BCKDHB: variants seen among roughly 807,000 people sequenced by gnomAD.
BCKDHB encodes branched chain keto acid dehydrogenase E1 subunit beta.
In BCKDHB, 41 loss-of-function variants were observed where a neutral mutation model predicts 48.5. The observed-to-expected ratio is 0.85, with a 90% confidence interval of 0.66 to 1.10. BCKDHB has a LOEUF of 1.10. BCKDHB is among the 50% of genes least tolerant of loss of function. The pLI is 0.00. For synonymous variants in BCKDHB, 201 were observed against 174.8 expected (o/e 1.15, Z -1.18); for missense variants, 496 against 494.2 (o/e 1.00, Z -0.03).
the BCKDHB span, among the ~76,000 whole-genome samples, chr6:80,430,818 C>T: frequency 6.6e-6 from 1 of 152,038 alleles, no homozygotes; most frequent in African/African-American, 2.4e-5. Flanking sequence ...TCTCTATCTC[C>T]TTCAATTCTG....
At chr6:80,147,316 T>A (rs1387572157) in intron 3 of BCKDHB, among the ~76,000 whole-genome samples, 1 of 152,180 alleles carries the variant, frequency 6.6e-6, no homozygotes, top group African/African-American at 2.4e-5. Flanking sequence ...TGCTAATTAA[T>A]GTTGTTCATT....
intron 8 of BCKDHB, among the ~76,000 whole-genome samples, chr6:80,269,425 TCTTTTGTTC>T (rs889579018): frequency 6.6e-6 from 1 of 152,140 alleles, no homozygotes; most frequent in Non-Finnish European, 1.5e-5. Flanking sequence ...TTAGAACAAA[TCTTTTGTTC>T]CTTTGCAGGG....
At chr6:80,236,605 G>A (rs1776157192) in intron 8 of BCKDHB, among the ~76,000 whole-genome samples, 1 of 152,134 alleles carries the variant, frequency 6.6e-6, no homozygotes. Context: ...CCTTACATTA[G>A]CAGAGGTAGT....
chr6:80,376,433 A>C, the BCKDHB span, among the ~76,000 whole-genome samples: 3 of 152,306 alleles, frequency 2.0e-5, no homozygotes, highest in African/African-American at 7.2e-5. Flanking sequence ...CCCAGGCTAC[A>C]TACAAGCCTC....
intron 3 of BCKDHB, among the ~76,000 whole-genome samples, chr6:80,153,230 T>C (rs533804745): frequency 6.7e-4 from 102 of 152,258 alleles, no homozygotes; most frequent in African/African-American, 2.3e-3. Context: ...ATGAAGATCT[T>C]TGGATGTGTG....
At chr6:80,450,689 C>G in the BCKDHB span, among the ~76,000 whole-genome samples, 2 of 152,120 alleles carry the variant, frequency 1.3e-5, no homozygotes, top group African/African-American at 4.8e-5. Flanking sequence ...CAATCTCATG[C>G]ACCTTCCTCT....
chr6:80,387,257 G>A, the BCKDHB span, among the ~76,000 whole-genome samples: 3 of 152,192 alleles, frequency 2.0e-5, no homozygotes. Context: ...AAATGGCATA[G>A]ACATACTTAA....
At chr6:80,194,111 C>T (rs1774028221) in intron 6 of BCKDHB, among the ~76,000 whole-genome samples, 3 of 152,048 alleles carry the variant, frequency 2.0e-5, no homozygotes, top group South Asian at 2.1e-4. Flanking sequence ...TTCTCATAGT[C>T]GGTTTTCAAT....
chr6:80,108,476 T>C (rs76131166), intron 1 of BCKDHB, among the ~76,000 whole-genome samples: 4,284 of 150,810 alleles, frequency 0.028, 97 homozygotes, highest in Non-Finnish European at 0.043. Flanking sequence ...TATCATGATA[T>C]ATATCATGAT....
At chr6:80,415,001 C>CTG in the BCKDHB span, among the ~76,000 whole-genome samples, 108 of 149,918 alleles carry the variant, frequency 7.2e-4, no homozygotes, top group South Asian at 5.3e-3. Flanking sequence ...TTAGGTATTT[C>CTG]TGTGTGTGTG....
At chr6:80,234,902 C>T (rs772978083) in intron 8 of BCKDHB, among the ~76,000 whole-genome samples, 53 of 151,898 alleles carry the variant, frequency 3.5e-4, no homozygotes, top group Non-Finnish European at 5.1e-4. Flanking sequence ...GTAACATGGC[C>T]GGAAAGTCAG....
At chr6:80,214,411 G>A (rs1209812158) in intron 8 of BCKDHB, among the ~76,000 whole-genome samples, 1 of 152,156 alleles carries the variant, frequency 6.6e-6, no homozygotes, top group Admixed American at 6.5e-5. Context: ...TTTAAGTATT[G>A]CCAGTTAAAA....
At chr6:80,338,133 C>A (rs1001826485) in intron 9 of BCKDHB, among the ~76,000 whole-genome samples, 2 of 152,094 alleles carry the variant, frequency 1.3e-5, no homozygotes, top group African/African-American at 4.8e-5. Flanking sequence ...AAAATTATTC[C>A]AAAATTGTTC....
At chr6:80,405,009 C>T in the BCKDHB span, among the ~76,000 whole-genome samples, 1 of 152,010 alleles carries the variant, frequency 6.6e-6, no homozygotes. Flanking sequence ...AGAATGTGTA[C>T]TCTTCTGTTG....
chr6:80,440,300 A>G, the BCKDHB span, among the ~76,000 whole-genome samples: 3 of 152,332 alleles, frequency 2.0e-5, no homozygotes, highest in Non-Finnish European at 4.4e-5. Context: ...TAAGTACTCA[A>G]CAAAAAAACA....
intron 7 of BCKDHB, 37 bp from the exon 8 acceptor site, chr6:80,203,065 T>G (rs1774471670): frequency 7.0e-7 from 1 of 1,423,266 alleles, no homozygotes; most frequent in East Asian, 2.3e-5. Context: ...CTAGAACCTT[T>G]GTAGTCATTC....
chr6:80,250,166 A>G (rs1216499262), intron 8 of BCKDHB, among the ~76,000 whole-genome samples: 1 of 152,076 alleles, frequency 6.6e-6, no homozygotes, highest in African/African-American at 2.4e-5. Context: ...AGCCACTGCC[A>G]CCACCTCACA....
chr6:80,433,304 G>A, the BCKDHB span, among the ~76,000 whole-genome samples: 2 of 152,156 alleles, frequency 1.3e-5, no homozygotes, highest in African/African-American at 4.8e-5. Flanking sequence ...GGAGATGGGG[G>A]TTTTATTTTT....
chr6:80,401,021 T>C, the BCKDHB span, among the ~76,000 whole-genome samples: 2,952 of 147,040 alleles, frequency 0.02, 219 homozygotes, highest in African/African-American at 0.076. Context: ...TAGGAGAACA[T>C]ATAGACACAA....
Sources: gnomAD v4.1 joint callset for allele counts (sites outside exome capture counted in the v4.1 genomes callset) on GRCh38, gnomAD v4.1.1 for gene constraint, MANE v1.5 for transcripts, NCBI Gene and HGNC (gene_info 2026-07-23, HGNC 2026-07-21) for gene names.